CNTNAP2: variants seen among roughly 807,000 people sequenced by gnomAD.
CNTNAP2 encodes the protein contactin-associated protein-like 2.
A neutral mutation model predicts 155.2 loss-of-function variants in CNTNAP2; 98 were observed. That is an observed-to-expected ratio of 0.63 (90% confidence interval 0.54 to 0.75). The LOEUF (loss-of-function observed/expected upper bound fraction) is 0.75. Ranked by LOEUF, CNTNAP2 falls within the 30% of genes least tolerant of loss-of-function variation. The pLI is 0.00. For missense variants in CNTNAP2, 1,727 were observed against 1,688.1 expected, an observed-to-expected ratio of 1.02 and a Z score of -0.40; for synonymous variants, 651 against 631.2, an observed-to-expected ratio of 1.03 and a Z score of -0.47.
intron 1 of CNTNAP2, among the ~76,000 whole-genome samples, chr7:146,472,381 G>A (rs1215358523): frequency 6.6e-6 from 1 of 152,088 alleles, no homozygotes. Flanking sequence ...TGTAGAAAAT[G>A]GCTAAGTAGA....
intron 14 of CNTNAP2, among the ~76,000 whole-genome samples, chr7:147,925,241 A>G (rs1191063147): frequency 6.7e-6 from 1 of 150,226 alleles, no homozygotes; most frequent in African/African-American, 2.5e-5. Flanking sequence ...ACAGCAAAGT[A>G]CCCCCTACCC....
At chr7:147,443,597 T>C (rs2116553821) in intron 10 of CNTNAP2, among the ~76,000 whole-genome samples, 1 of 152,312 alleles carries the variant, frequency 6.6e-6, no homozygotes. Flanking sequence ...AGTAGGGGGA[T>C]GATCGGTAGA....
At chr7:147,083,845 T>TTATATACATATACACATGTATGTACA (rs1563070559) in intron 4 of CNTNAP2, among the ~76,000 whole-genome samples, 3 of 141,146 alleles carry the variant, frequency 2.1e-5, no homozygotes, top group Non-Finnish European at 4.5e-5. Context: ...TATGTACATA[T>TTATATACATATACACATGTATGTACA]TATATACATA....
chr7:148,268,560 C>T (rs1796716817), intron 21 of CNTNAP2, among the ~76,000 whole-genome samples: 2 of 151,968 alleles, frequency 1.3e-5, no homozygotes, highest in African/African-American at 4.8e-5. Flanking sequence ...GAGGCTGAGG[C>T]AGGAGAATGG....
intron 1 of CNTNAP2, among the ~76,000 whole-genome samples, chr7:146,762,986 A>AC (rs912497031): frequency 2.0e-5 from 3 of 152,072 alleles, no homozygotes; most frequent in Non-Finnish European, 4.4e-5. Flanking sequence ...ACACTGCTAA[A>AC]CCATATCAAT....
intron 1 of CNTNAP2, among the ~76,000 whole-genome samples, chr7:146,340,452 G>T (rs1480878630): frequency 6.6e-6 from 1 of 151,692 alleles, no homozygotes; most frequent in Non-Finnish European, 1.5e-5. Flanking sequence ...GAATGCTAAA[G>T]CTAGGGTTGA....
At chr7:147,337,906 A>C (rs186548860) in intron 9 of CNTNAP2, among the ~76,000 whole-genome samples, 77 of 152,224 alleles carry the variant, frequency 5.1e-4, no homozygotes, top group Non-Finnish European at 6.0e-4. Context: ...TTACTGATAA[A>C]ATTTTTAAAT....
chr7:146,866,126 C>G (rs1391625594), intron 3 of CNTNAP2, among the ~76,000 whole-genome samples: 1 of 152,006 alleles, frequency 6.6e-6, no homozygotes, highest in African/African-American at 2.4e-5. Context: ...CCAATGTTCC[C>G]CCCGACAGTT....
chr7:147,622,876 T>TA (rs1282909426), intron 12 of CNTNAP2, among the ~76,000 whole-genome samples: 4 of 151,934 alleles, frequency 2.6e-5, no homozygotes, highest in Non-Finnish European at 5.9e-5. Flanking sequence ...GACAAGCCTT[T>TA]AGCCAGACTA....
At chr7:147,444,062 C>T (rs1401714980) in intron 10 of CNTNAP2, among the ~76,000 whole-genome samples, 1 of 152,154 alleles carries the variant, frequency 6.6e-6, no homozygotes, top group African/African-American at 2.4e-5. Flanking sequence ...CTATCAGTCA[C>T]TTAAAAGAAC....
At chr7:147,099,883 G>A (rs1429730660) in intron 4 of CNTNAP2, among the ~76,000 whole-genome samples, 2 of 152,170 alleles carry the variant, frequency 1.3e-5, no homozygotes, top group Non-Finnish European at 2.9e-5. Context: ...AACAGCGAAG[G>A]CGAGAAGGCG....
At chr7:147,875,117 G>C (rs1799400625) in intron 13 of CNTNAP2, among the ~76,000 whole-genome samples, 1 of 152,128 alleles carries the variant, frequency 6.6e-6, no homozygotes, top group Non-Finnish European at 1.5e-5. Context: ...CTGTTACCCA[G>C]TTCCAAAGTT....
At chr7:146,285,013 G>T (rs550043406) in intron 1 of CNTNAP2, among the ~76,000 whole-genome samples, 8 of 152,234 alleles carry the variant, frequency 5.3e-5, no homozygotes, top group African/African-American at 1.4e-4. Context: ...CTAATATACA[G>T]ATTCTCTGCA....
intron 4 of CNTNAP2, among the ~76,000 whole-genome samples, chr7:147,047,358 T>A (rs1026808102): frequency 2.0e-5 from 3 of 150,938 alleles, no homozygotes; most frequent in Non-Finnish European, 4.4e-5. Flanking sequence ...GCTGACCTCA[T>A]GATCCGCCCA....
intron 11 of CNTNAP2, among the ~76,000 whole-genome samples, chr7:147,515,392 G>A (rs538930113): frequency 1.7e-4 from 23 of 138,006 alleles, no homozygotes; most frequent in Admixed American, 6.6e-4. Context: ...GTGTGATCTC[G>A]GCTCACTGCA....
At chr7:148,082,720 C>T (rs1211258684) in intron 15 of CNTNAP2, among the ~76,000 whole-genome samples, 1 of 152,006 alleles carries the variant, frequency 6.6e-6, no homozygotes, top group Non-Finnish European at 1.5e-5. Flanking sequence ...CACTCTGTCA[C>T]CAGCGTGGAG....
chr7:147,467,688 G>A (rs1798144462), intron 10 of CNTNAP2, among the ~76,000 whole-genome samples: 2 of 152,126 alleles, frequency 1.3e-5, no homozygotes, highest in South Asian at 2.1e-4. Flanking sequence ...TGACTGACAC[G>A]ATATTATATT....
chr7:147,082,962 GC>G (rs1563069918), intron 4 of CNTNAP2: 2 of 152,070 alleles, frequency 1.3e-5, no homozygotes, highest in South Asian at 2.1e-4. Flanking sequence ...GCAGGGTGAG[GC>G]CATCTGCTCT....
chr7:147,377,467 A>G (rs911214247), intron 9 of CNTNAP2, among the ~76,000 whole-genome samples: 1 of 151,438 alleles, frequency 6.6e-6, no homozygotes, highest in African/African-American at 2.4e-5. Context: ...ATTTTACCAC[A>G]TTTGCATATT....
Sources: gnomAD v4.1 joint callset for allele counts (sites outside exome capture counted in the v4.1 genomes callset) on GRCh38, gnomAD v4.1.1 for gene constraint, MANE v1.5 for transcripts, NCBI Gene and HGNC (gene_info 2026-07-23, HGNC 2026-07-21) for gene names.